The following GPNMB variants were observed in gnomAD, a reference collection of about 807,000 sequenced individuals.
The protein encoded by GPNMB is transmembrane glycoprotein NMB.
Under a neutral mutation model 57.3 loss-of-function variants are expected in GPNMB, and 71 were observed. The observed-to-expected ratio is 1.24, with a 90% CI of 1.02 to 1.51. The LOEUF (loss-of-function observed/expected upper bound fraction) is 1.51, where lower values mean the gene tolerates loss of function less well. Among genes scored for constraint, GPNMB ranks in the 40% most tolerant of loss-of-function variants. GPNMB has a pLI of 0.00. For missense variants in GPNMB, 677 were observed against 691.9 expected (o/e 0.98, Z 0.24); for synonymous variants, 253 against 263.2 (o/e 0.96, Z 0.38).
chr7:23,256,927 T>G lies in GPNMB; in HGVS notation c.403T>G (p.Trp135Gly). 6.2e-7 allele frequency: 1 copy of G among 1,614,172 alleles called. No homozygotes were observed. Among genetic ancestry groups the G allele is most frequent in the South Asian group, 1.1e-5 (1 of 91,084 alleles). Residue 135 changes from tryptophan (W) to glycine (G), a missense_variant, in exon 4 of 11, where the codon TGG becomes GGG. By Grantham distance (184) the Trp-to-Gly change is radical. Coordinates refer to ENST00000258733, the MANE Select transcript of GPNMB (RefSeq NM_002510.3). ...ATCTGCTGATCCGTATGTTTACAAC[T>G]GGACAGCATGGTCAGAGGACAGTGA... is the stretch of plus-strand genomic sequence containing the variant. ...GLSADPYVYN[W>G]TAWSEDSDGE...
In GPNMB at chr7:23,266,550, G is replaced by A; in HGVS notation, c.1052G>A (p.Arg351Lys). The A allele has an allele frequency of 6.2e-7, 1 of 1,613,672 alleles. No individual in the cohort carries two copies. Among genetic ancestry groups the A allele is most frequent in the East Asian group, 2.2e-5 (1 of 44,878 alleles). Residue 351 changes from arginine to lysine, a missense_variant, in exon 7 of 11, where the codon AGG (arginine) becomes AAG (lysine). Coordinates refer to ENST00000258733, the MANE Select transcript of GPNMB (RefSeq NM_002510.3). ...GGTGACAACCCCCTGGAGCTGAGTA[G>A]GATTCCTGATGAAAACTGCCAGATT... ...PAGDNPLELS[R>K]IPDENCQINR...
intron 8 of GPNMB, 42 bp from the exon 9 acceptor site, chr7:23,269,925 T>C (rs770247271): frequency 7.2e-7 from 1 of 1,388,634 alleles, no homozygotes; most frequent in Non-Finnish European, 1.0e-6. Flanking sequence ...TCTCTCCCCT[T>C]CTCTGTGCCC....
chr7:23,266,444 TTTTTTA>T, intron 6 of GPNMB, 67 bp from the exon 7 acceptor site: 1 of 1,512,392 alleles, frequency 6.6e-7, no homozygotes, highest in East Asian at 2.3e-5. Flanking sequence ...AATGTTTAGA[TTTTTTA>T]TTATATCACA....
At chr7:23,250,317 AAGTCTAAGAATTCTTGCCT>A (rs1373489975) in intron 1 of GPNMB, among the ~76,000 whole-genome samples, 4 of 152,050 alleles carry the variant, frequency 2.6e-5, no homozygotes, top group Non-Finnish European at 5.9e-5. Context: ...TGTTCATGTC[AAGTCTAAGAATTCTTGCCT>A]AGTCCTAGAT....
chr7:23,270,750 C>G (rs1207751445), intron 9 of GPNMB, among the ~76,000 whole-genome samples: 1 of 152,164 alleles, frequency 6.6e-6, no homozygotes, highest in Non-Finnish European at 1.5e-5. Context: ...AAAAACTACT[C>G]TCTTCCCTCT....
chr7:23,252,055 T>C (rs1388704466), intron 1 of GPNMB, among the ~76,000 whole-genome samples: 1 of 152,126 alleles, frequency 6.6e-6, no homozygotes, highest in Non-Finnish European at 1.5e-5. Flanking sequence ...AAAAGAACTG[T>C]AATATTACAA....
In GPNMB at chr7:23,253,307, G is replaced by A. The variant is rs751571243; in HGVS notation, c.71G>A (p.Arg24Gln). The A allele has an allele frequency of 6.2e-6, 10 of 1,612,208 alleles. No homozygotes were observed. Among genetic ancestry groups the A allele is most frequent in the Admixed American group, 1.7e-5 (1 of 59,762 alleles). ...AARLPLDAAK[R>Q]FHDVLGNERP... ...GAATTTGTTTCGAATATTGATACAG[G>A]ATTTCATGATGTGCTGGGCAATGAA... Residue 24 changes from arginine (R) to glutamine (Q), a missense_variant and splice_region_variant, in exon 2 of 11, where the codon CGA becomes CAA. Physicochemically the swap from Arg to Gln is conservative, Grantham distance 43. Coordinates refer to ENST00000258733, the MANE Select transcript of GPNMB (RefSeq NM_002510.3).
chr7:23,254,322 CAG>C lies in GPNMB; in HGVS notation c.367+11_367+12del. ...AAGAACTGCAGAAATGGTAAGAACA[CAG>C]TATTCTCCTAAACTACTGGAGACCC... On this transcript the variant is annotated intron_variant, in intron 3 of 10. Coordinates refer to ENST00000258733, the MANE Select transcript of GPNMB (RefSeq NM_002510.3). The C allele has an allele frequency of 6.2e-7, 1 of 1,608,772 alleles. No individual in the cohort carries two copies. Among genetic ancestry groups the C allele is most frequent in the Non-Finnish European group, 8.5e-7 (1 of 1,175,802 alleles).
At chr7:23,254,101 G>A (rs1300879571) in intron 2 of GPNMB, 68 bp from the exon 3 acceptor site, 2 of 1,475,640 alleles carry the variant, frequency 1.4e-6, no homozygotes, top group African/African-American at 2.8e-5. Context: ...AATAAAGTTA[G>A]CTCTAAATGT....
At chr7:23,247,096 CA>C in intron 1 of GPNMB, 169 bp downstream of exon 1, 1 of 631,128 alleles carries the variant, frequency 1.6e-6, no homozygotes, top group Non-Finnish European at 2.9e-6. Flanking sequence ...GAAACTACAG[CA>C]AAATGCCTCC....
rs1783295442 is a variant in GPNMB at position 23,274,686 on chromosome 7, T to C, written c.*462T>C. Reference sequence around the variant, plus strand: ...TGAATCCCACTTCAATACACACTCATGAACTCCTGATGGAACAATAACAGG... The same window carrying C: ...TGAATCCCACTTCAATACACACTCACGAACTCCTGATGGAACAATAACAGG... On this transcript the variant is annotated 3_prime_UTR_variant, in exon 11 of 11. Coordinates refer to ENST00000258733, the MANE Select transcript of GPNMB (RefSeq NM_002510.3). The C allele has an allele frequency of 6.5e-6, 1 of 154,238 alleles. No individual in the cohort carries two copies. The highest frequency in any genetic ancestry group is 1.4e-5 in the Non-Finnish European group (1 of 69,568). 9.6% of individuals were successfully genotyped at this position (154,238 alleles called of 1,614,324 possible). A position where few individuals can be genotyped will look rare whatever the true frequency, so the allele number is the denominator to read the frequency against.
intron 3 of GPNMB, among the ~76,000 whole-genome samples, chr7:23,255,137 G>C (rs1248593607): frequency 6.6e-6 from 1 of 152,166 alleles, no homozygotes; most frequent in Non-Finnish European, 1.5e-5. Context: ...TCCTGCCTCA[G>C]CCTCCCAAGT....
chr7:23,271,056 G>A (rs895102686), intron 9 of GPNMB, among the ~76,000 whole-genome samples: 13 of 152,232 alleles, frequency 8.5e-5, no homozygotes, highest in African/African-American at 3.1e-4. Context: ...TCCGTGTAAC[G>A]GGGATGGTGG....
At chr7:23,266,249 A>T in intron 6 of GPNMB, 1 of 420,072 alleles carries the variant, frequency 2.4e-6, no homozygotes. Context: ...GCACCCGGCC[A>T]GTTTCAACGT....
chr7:23,256,517 T>C (rs922284342), intron 3 of GPNMB, among the ~76,000 whole-genome samples: 3 of 152,082 alleles, frequency 2.0e-5, no homozygotes, highest in Non-Finnish European at 4.4e-5. Context: ...TAAACAGTCA[T>C]GATGTCAAGT....
At chr7:23,256,001 G>A (rs1782768161) in intron 3 of GPNMB, among the ~76,000 whole-genome samples, 1 of 152,054 alleles carries the variant, frequency 6.6e-6, no homozygotes. Context: ...CCACCTCCCA[G>A]GTTCAAGCAA....
At chr7:23,272,915 C>T (rs1478766348) in intron 9 of GPNMB, among the ~76,000 whole-genome samples, 1 of 150,550 alleles carries the variant, frequency 6.6e-6, no homozygotes, top group Non-Finnish European at 1.5e-5. Context: ...GTAATCATGG[C>T]TCACTGCAGC....
intron 9 of GPNMB, among the ~76,000 whole-genome samples, chr7:23,271,004 A>G (rs529984619): frequency 3.3e-5 from 5 of 152,302 alleles, no homozygotes; most frequent in Admixed American, 3.3e-4. Flanking sequence ...GCAGTCCCCA[A>G]CCTTTCTGAC....
intron 6 of GPNMB, among the ~76,000 whole-genome samples, chr7:23,261,835 A>G (rs1216398955): frequency 6.6e-6 from 1 of 152,212 alleles, no homozygotes; most frequent in East Asian, 1.9e-4. Context: ...TTAAGGCATG[A>G]TTAATTCAAT....
Sources: allele counts gnomAD v4.1 joint callset (sites outside exome capture counted in the v4.1 genomes callset), GRCh38; gene constraint gnomAD v4.1.1; transcripts MANE v1.5; gene names NCBI Gene and HGNC (gene_info 2026-07-23, HGNC 2026-07-21).